The following MTA3 variants were observed in gnomAD, a reference collection of about 807,000 sequenced individuals.
The protein encoded by MTA3 is metastasis-associated protein MTA3.
Under a neutral mutation model 83.5 loss-of-function variants are expected in MTA3, and 34 were observed. The observed-to-expected ratio is 0.41, with a 90% CI of 0.31 to 0.54. The LOEUF is 0.54. MTA3 is among the 20% of genes least tolerant of loss of function. The pLI is 0.33. For synonymous variants in MTA3, 303 were observed against 252.7 expected (o/e 1.20, Z -1.89); for missense variants, 761 against 726.4 (o/e 1.05, Z -0.55).
At chr2:42,516,839 T>C (rs1300288081) in intron 2 of MTA3, among the ~76,000 whole-genome samples, 1 of 152,228 alleles carries the variant, frequency 6.6e-6, no homozygotes, top group Non-Finnish European at 1.5e-5. Context: ...GAAAATGCAG[T>C]ATCTGCCAGC....
intron 2 of MTA3, among the ~76,000 whole-genome samples, chr2:42,525,516 TCTTC>T (rs1675655276): frequency 1.6e-5 from 1 of 62,340 alleles, no homozygotes. Flanking sequence ...CCCCTTCCTT[TCTTC>T]CCTTCCTTCC....
intron 9 of MTA3, among the ~76,000 whole-genome samples, chr2:42,692,125 A>G (rs1043247303): frequency 3.9e-5 from 6 of 152,118 alleles, no homozygotes; most frequent in Non-Finnish European, 8.8e-5. Context: ...GCTATTTTCT[A>G]GATCCTATAA....
intron 16 of MTA3, among the ~76,000 whole-genome samples, chr2:42,738,496 C>T (rs1173063724): frequency 6.6e-6 from 1 of 152,128 alleles, no homozygotes; most frequent in Admixed American, 6.5e-5. Context: ...ATCCTGTCAG[C>T]CGAGGAGGAT....
chr2:42,663,295 T>G (rs982293202), intron 8 of MTA3, among the ~76,000 whole-genome samples: 1 of 152,162 alleles, frequency 6.6e-6, no homozygotes, highest in Non-Finnish European at 1.5e-5. Context: ...GGGCTCTTGG[T>G]TCACAGCTGC....
In MTA3 at chr2:42,579,102, CTT is replaced by C; in HGVS notation, c.97-4_97-3del. On this transcript the variant is annotated splice_region_variant and splice_polypyrimidine_tract_variant and intron_variant, in intron 2 of 16. Transcript: ENST00000405094. ...CAAATGACTTTTATTTTTCTTATCT[CTT>C]AGACTGCAAGTGGCAACGTGGAAGC... 6.3e-7 allele frequency: 1 copy of C among 1,590,896 alleles called. No homozygotes were observed. The highest frequency in any genetic ancestry group is 8.6e-7 in the Non-Finnish European group (1 of 1,168,574).
At chr2:42,540,224 G>A (rs560092311) in intron 2 of MTA3, among the ~76,000 whole-genome samples, 3 of 145,822 alleles carry the variant, frequency 2.1e-5, no homozygotes, top group African/African-American at 7.6e-5. Flanking sequence ...CTCAGGGTGT[G>A]GTGCAATGGC....
At chr2:42,660,346 C>T (rs987382729) in intron 8 of MTA3, among the ~76,000 whole-genome samples, 3 of 152,128 alleles carry the variant, frequency 2.0e-5, no homozygotes, top group African/African-American at 4.8e-5. Context: ...CTCGGCCTTC[C>T]GAAGTGCTGG....
chr2:42,748,243 T>TG (rs771046809), intron 16 of MTA3, among the ~76,000 whole-genome samples: 3,852 of 84,054 alleles, frequency 0.046, 74 homozygotes, highest in Non-Finnish European at 0.065. Flanking sequence ...GTGTGTGTGT[T>TG]TTAGTAGAGA....
chr2:42,606,657 T>C (rs555695186), intron 3 of MTA3, among the ~76,000 whole-genome samples: 1 of 150,564 alleles, frequency 6.6e-6, no homozygotes, highest in East Asian at 2.0e-4. Context: ...GCAGAGACAC[T>C]CCTCACTTCC....
chr2:42,529,706 T>C (rs1675869967), intron 2 of MTA3, among the ~76,000 whole-genome samples: 1 of 152,202 alleles, frequency 6.6e-6, no homozygotes, highest in African/African-American at 2.4e-5. Context: ...GAGGAGCATC[T>C]GATGAACTTC....
intron 3 of MTA3, among the ~76,000 whole-genome samples, chr2:42,592,741 C>T (rs953475656): frequency 4.6e-5 from 7 of 152,216 alleles, no homozygotes; most frequent in African/African-American, 1.7e-4. Context: ...CAGTAACACA[C>T]ACGGAGCTAT....
At chr2:42,559,020 C>A (rs1425813390) in intron 2 of MTA3, among the ~76,000 whole-genome samples, 1 of 152,140 alleles carries the variant, frequency 6.6e-6, no homozygotes, top group African/African-American at 2.4e-5. Context: ...CTCTGCCCTC[C>A]TCTCCACCCA....
chr2:42,738,831 AG>A (rs1320365049), intron 16 of MTA3, among the ~76,000 whole-genome samples: 1 of 152,192 alleles, frequency 6.6e-6, no homozygotes, highest in African/African-American at 2.4e-5. Context: ...TTGAGACTGC[AG>A]GGGTGAAATA....
intron 6 of MTA3, among the ~76,000 whole-genome samples, 168 bp downstream of exon 6, chr2:42,644,412 G>T (rs1276818855): frequency 6.6e-6 from 1 of 152,144 alleles, no homozygotes; most frequent in Non-Finnish European, 1.5e-5. Flanking sequence ...AATAAATAGA[G>T]ATGAGGCCTC....
intron 2 of MTA3, among the ~76,000 whole-genome samples, chr2:42,531,627 A>G (rs1205656230): frequency 1.4e-5 from 2 of 142,204 alleles, no homozygotes; most frequent in Non-Finnish European, 3.1e-5. Flanking sequence ...TAATTTTGGT[A>G]TTTTTAGTAG....
chr2:42,648,163 A>C (rs1195755186), intron 6 of MTA3, among the ~76,000 whole-genome samples: 3 of 151,898 alleles, frequency 2.0e-5, no homozygotes, highest in African/African-American at 7.3e-5. Context: ...TCTAATGACT[A>C]TTTTTTTAGG....
At position 42,709,054 on chromosome 2, in the gene MTA3, C is replaced by A; in HGVS notation, c.1483C>A (p.Arg495=). Reference sequence around the variant, plus strand: ...CCTCCGGCTGCGGCAGGCAGCAAGACGGCCGTTTGTTGCTATTAATTATGC... The same window carrying A: ...CCTCCGGCTGCGGCAGGCAGCAAGAAGGCCGTTTGTTGCTATTAATTATGC... ...NTLRLRQAAR[R]PFVAINYAAI... is the part of the protein sequence containing the mutation. Residue 495 remains arginine (R), a synonymous_variant, in exon 14 of 17, where the codon CGG becomes AGG. Transcript: ENST00000405094. 6.2e-7 allele frequency: 1 copy of A among 1,612,774 alleles called. No individual in the cohort carries two copies. The highest frequency in any genetic ancestry group is 1.1e-5 in the South Asian group (1 of 91,006).
intron 8 of MTA3, among the ~76,000 whole-genome samples, chr2:42,672,878 C>G (rs62142750): frequency 0.78 from 114,084 of 145,684 alleles, 45,228 homozygotes; most frequent in African/African-American, 0.91. Flanking sequence ...ACGGAGTCTG[C>G]CTCTGTCACC....
At chr2:42,658,512 T>C (rs1251072035) in intron 7 of MTA3, among the ~76,000 whole-genome samples, 1 of 152,110 alleles carries the variant, frequency 6.6e-6, no homozygotes. Flanking sequence ...GCTAACAACA[T>C]GGATGAACCC....
Sources: gnomAD v4.1 joint callset for allele counts (sites outside exome capture counted in the v4.1 genomes callset) on GRCh38, gnomAD v4.1.1 for gene constraint, MANE v1.5 for transcripts, NCBI Gene and HGNC (gene_info 2026-07-23, HGNC 2026-07-21) for gene names.